The following LUZP1 variants were observed in gnomAD, a reference collection of about 807,000 sequenced individuals.
LUZP1 encodes leucine zipper protein 1.
In LUZP1, 25 loss-of-function variants were observed where a neutral mutation model predicts 71.3. The ratio of observed to expected loss-of-function variants is 0.35; its 90% CI spans 0.26 to 0.49. The LOEUF (loss-of-function observed/expected upper bound fraction) is 0.49. Ranked by LOEUF, LUZP1 falls within the 20% of genes least tolerant of loss-of-function variation. The pLI, the probability that LUZP1 is intolerant of heterozygous loss-of-function variation, is 0.99. For missense variants in LUZP1, 1,142 were observed against 1,300.8 expected, an observed-to-expected ratio of 0.88 and a Z score of 1.88; for synonymous variants, 481 against 506.4, an observed-to-expected ratio of 0.95 and a Z score of 0.67.
chr1:23,113,489 A>G (rs1278756058), intron 2 of LUZP1, among the ~76,000 whole-genome samples: 1 of 152,216 alleles, frequency 6.6e-6, no homozygotes, highest in Non-Finnish European at 1.5e-5. Context: ...AAAGGAAAAG[A>G]CAATCAGCAG....
At position 23,122,694 on chromosome 1, in the gene LUZP1, T is replaced by A. The variant is rs553770907; in HGVS notation, c.-225-13567A>T. 4.6e-5 allele frequency among the ~76,000 whole-genome samples: 7 copies of A among 152,326 alleles called. No homozygotes were observed. The East Asian group carries it at 1.2e-3, about 25-fold the overall frequency. On this transcript the variant is annotated intron_variant, in intron 2 of 4. Coordinates refer to ENST00000302291, the Ensembl canonical transcript of LUZP1. The stretch of plus-strand genomic sequence containing the variant: ...TTTCTGCAAACTAAAAATAACTTAT[T>A]AAAACGGGAGTGTTCTTCAAGTATT...
intron 2 of LUZP1, among the ~76,000 whole-genome samples, chr1:23,131,657 C>A (rs1644216554): frequency 6.6e-6 from 1 of 151,894 alleles, no homozygotes. Flanking sequence ...AACATTGTTT[C>A]CTGCTCCTAT....
chr1:23,115,014 G>A (rs1480487655), intron 2 of LUZP1, among the ~76,000 whole-genome samples: 1 of 152,190 alleles, frequency 6.6e-6, no homozygotes, highest in Non-Finnish European at 1.5e-5. Context: ...AAAGATCTAA[G>A]TAGAGGCATA....
exon 5 of LUZP1, chr1:23,088,572 T>G: frequency 4.8e-6 from 1 of 209,366 alleles, no homozygotes. Context: ...GAGAAGAATT[T>G]TTGACTCCTG....
chr1:23,170,462 C>CTTTTTTTTTTTTTTTTTTT (rs200073505), intron 1 of LUZP1, among the ~76,000 whole-genome samples: 4 of 127,442 alleles, frequency 3.1e-5, no homozygotes, highest in Admixed American at 7.9e-5. Context: ...CTTTTTCTTT[C>CTTTTTTTTTTTTTTTTTTT]TTTTTTTTTT....
intron 2 of LUZP1, among the ~76,000 whole-genome samples, chr1:23,139,631 C>G (rs994458381): frequency 3.9e-5 from 6 of 152,074 alleles, no homozygotes; most frequent in Non-Finnish European, 8.8e-5. Context: ...TATAAGAGTA[C>G]AAGTATATAA....
At chr1:23,153,725 G>A (rs937314618) in intron 2 of LUZP1, among the ~76,000 whole-genome samples, 5 of 152,024 alleles carry the variant, frequency 3.3e-5, no homozygotes, top group Non-Finnish European at 7.4e-5. Flanking sequence ...TGGCACTTTG[G>A]GAGTTCGAGA....
At chr1:23,153,885 G>A (rs577634397) in intron 2 of LUZP1, among the ~76,000 whole-genome samples, 2 of 152,006 alleles carry the variant, frequency 1.3e-5, no homozygotes, top group South Asian at 2.1e-4. Context: ...TGCAGCCCCC[G>A]CCTGGGCAAC....
intron 2 of LUZP1, among the ~76,000 whole-genome samples, chr1:23,147,834 C>T (rs975675311): frequency 6.6e-6 from 1 of 152,138 alleles, no homozygotes; most frequent in Non-Finnish European, 1.5e-5. Context: ...TTTCACATTT[C>T]AGTGTCTCCA....
At chr1:23,092,361 A>T (rs1643865700) in exon 4 of LUZP1, 1 of 1,614,060 alleles carries the variant, frequency 6.2e-7, no homozygotes, top group African/African-American at 1.3e-5. Context: ...GTCTTCCATC[A>T]CAACTGCTGC....
chr1:23,101,437 G>T (rs1229811028), intron 3 of LUZP1, among the ~76,000 whole-genome samples: 1 of 151,934 alleles, frequency 6.6e-6, no homozygotes, highest in African/African-American at 2.4e-5. Flanking sequence ...CAATTCCAAA[G>T]TTTATATTCT....
At chr1:23,092,903 G>T (rs200763245) in exon 4 of LUZP1, 2 of 1,613,784 alleles carry the variant, frequency 1.2e-6, no homozygotes, top group African/African-American at 1.3e-5. Flanking sequence ...GTACAAACCG[G>T]TCTTCAGTTT....
chr1:23,160,198 G>A (rs1644452984), intron 2 of LUZP1, among the ~76,000 whole-genome samples: 1 of 152,120 alleles, frequency 6.6e-6, no homozygotes, highest in African/African-American at 2.4e-5. Flanking sequence ...TTGGCTTATA[G>A]AACATTCTTC....
At chr1:23,168,317 C>T (rs1420788382) in intron 2 of LUZP1, among the ~76,000 whole-genome samples, 3 of 146,220 alleles carry the variant, frequency 2.1e-5, no homozygotes, top group Non-Finnish European at 4.6e-5. Flanking sequence ...CAGCCCCCTC[C>T]ACGGCCGCCT....
At chr1:23,089,683 C>T (rs1274283390) in intron 4 of LUZP1, among the ~76,000 whole-genome samples, 1 of 152,146 alleles carries the variant, frequency 6.6e-6, no homozygotes, top group Non-Finnish European at 1.5e-5. Context: ...ACCTCCGTCT[C>T]CTGGGTTCAA....
At chr1:23,156,087 G>GCA (rs1308335391) in intron 2 of LUZP1, among the ~76,000 whole-genome samples, 1 of 152,134 alleles carries the variant, frequency 6.6e-6, no homozygotes, top group Non-Finnish European at 1.5e-5. Flanking sequence ...GAAAGCCTAT[G>GCA]CAAATAAAGC....
At chr1:23,130,579 G>T (rs1348658371) in intron 2 of LUZP1, among the ~76,000 whole-genome samples, 5 of 141,320 alleles carry the variant, frequency 3.5e-5, no homozygotes, top group Non-Finnish European at 7.5e-5. Flanking sequence ...GCCCAGTATG[G>T]TCTTGAATTC....
At position 23,143,068 on chromosome 1, in the gene LUZP1, G is replaced by C. The variant is rs2124712061; in HGVS notation, c.-226+25698C>G. 1.3e-5 allele frequency among the ~76,000 whole-genome samples: 2 copies of C among 152,020 alleles called. 1 individual carries two copies. The highest frequency in any genetic ancestry group is 6.8e-3 in the Middle Eastern group (2 of 294). On this transcript the variant is annotated intron_variant, in intron 2 of 4. Coordinates refer to ENST00000302291, the Ensembl canonical transcript of LUZP1. ...CTCTTGTCCGGGGTGGAGTGCAGTG[G>C]CATGATCTCCACTCAGTGCAACCTC...
chr1:23,164,532 T>TCAAATC (rs1352730205), intron 2 of LUZP1, among the ~76,000 whole-genome samples: 4 of 150,910 alleles, frequency 2.7e-5, no homozygotes, highest in African/African-American at 9.7e-5. Context: ...ACAGAATGAA[T>TCAAATC]AAAGATAAAA....
Sources: allele counts gnomAD v4.1 joint callset (sites outside exome capture counted in the v4.1 genomes callset), GRCh38; gene constraint gnomAD v4.1.1; transcripts MANE v1.5; gene names NCBI Gene and HGNC (gene_info 2026-07-23, HGNC 2026-07-21).